Variants in MMP26 observed in about 807,000 individuals in gnomAD.
MMP26 encodes matrix metallopeptidase 26.
MMP26 carries 33 observed loss-of-function variants against 31.0 expected under a neutral mutation model. The ratio of observed to expected loss-of-function variants is 1.06; its 90% confidence interval spans 0.81 to 1.42. MMP26 has a LOEUF of 1.42. Ranked by LOEUF, MMP26 falls within the 40% of genes most tolerant of loss-of-function variation. MMP26 has a pLI of 0.00. For synonymous variants in MMP26, 122 were observed against 114.9 expected, an observed-to-expected ratio of 1.06 and a Z score of -0.40; for missense variants, 347 against 316.1, an observed-to-expected ratio of 1.10 and a Z score of -0.74.
intron 2 of MMP26, among the ~76,000 whole-genome samples, chr11:4,931,206 A>T (rs1851342306): frequency 2.6e-5 from 4 of 152,104 alleles, no homozygotes; most frequent in Admixed American, 2.0e-4. Context: ...GCAAAGTGAG[A>T]CAGGGTTCTG....
At position 4,899,852 on chromosome 11, in the gene MMP26, T is replaced by A. The variant is rs189366674; in HGVS notation, c.-144-88216T>A. Among the ~76,000 whole-genome samples the A allele has an allele frequency of 1.4e-3, 212 of 152,280 alleles. 1 individual carries two copies. The highest frequency in any genetic ancestry group is 2.4e-3 in the Non-Finnish European group (164 of 67,992). On this transcript the variant is annotated intron_variant, in intron 2 of 7. Coordinates refer to ENST00000380390, the MANE Select transcript of MMP26 (RefSeq NM_021801.5). ...CTCACAATGTCTCCCACTCTGAAAA[T>A]GAGGACCTTTAGCTCAACAGAACAT...
At chr11:4,778,240 G>C (rs1848813894) in intron 2 of MMP26, among the ~76,000 whole-genome samples, 1 of 151,892 alleles carries the variant, frequency 6.6e-6, no homozygotes, top group African/African-American at 2.4e-5. Flanking sequence ...GATATATTTT[G>C]TGCTGTTTGG....
At chr11:4,810,177 T>A (rs1849330520) in intron 2 of MMP26, among the ~76,000 whole-genome samples, 1 of 151,986 alleles carries the variant, frequency 6.6e-6, no homozygotes, top group African/African-American at 2.4e-5. Flanking sequence ...TTTGAATGCT[T>A]GTGCAAAAAA....
At chr11:4,857,006 G>A (rs1263598411) in intron 2 of MMP26, among the ~76,000 whole-genome samples, 1 of 152,156 alleles carries the variant, frequency 6.6e-6, no homozygotes, top group Non-Finnish European at 1.5e-5. Flanking sequence ...CAGAAATAAA[G>A]ATGTTCTTTG....
At chr11:4,817,387 C>G (rs772868095) in intron 2 of MMP26, among the ~76,000 whole-genome samples, 82 of 152,048 alleles carry the variant, frequency 5.4e-4, no homozygotes, top group Non-Finnish European at 2.4e-4. Flanking sequence ...AGTTTGAGAC[C>G]AGCCTGGACA....
intron 2 of MMP26, among the ~76,000 whole-genome samples, chr11:4,917,599 G>T (rs903950529): frequency 1.3e-5 from 2 of 152,130 alleles, no homozygotes; most frequent in African/African-American, 4.8e-5. Flanking sequence ...GATCATATAG[G>T]CTCTCACACC....
chr11:4,792,308 A>T (rs1849038701), intron 2 of MMP26, among the ~76,000 whole-genome samples: 1 of 152,184 alleles, frequency 6.6e-6, no homozygotes, highest in Non-Finnish European at 1.5e-5. Context: ...TTTCCTTCGG[A>T]GGCAACTTCT....
intron 2 of MMP26, among the ~76,000 whole-genome samples, chr11:4,843,081 C>T (rs753649483): frequency 2.2e-4 from 33 of 152,358 alleles, no homozygotes; most frequent in Non-Finnish European, 4.3e-4. Flanking sequence ...GCCTTCAGCA[C>T]CTGTGCCCCT....
chr11:4,941,834 C>A (rs1335141467), intron 2 of MMP26, among the ~76,000 whole-genome samples: 1 of 151,412 alleles, frequency 6.6e-6, no homozygotes, highest in Non-Finnish European at 1.5e-5. Context: ...GCTTGTAATC[C>A]CAGCACTTTG....
intron 2 of MMP26, among the ~76,000 whole-genome samples, chr11:4,819,709 T>G (rs1027279205): frequency 6.6e-6 from 1 of 151,060 alleles, no homozygotes; most frequent in African/African-American, 2.4e-5. Context: ...TACCCAGTAG[T>G]TGGGACCTAC....
chr11:4,984,441 C>T (rs1411362174), intron 2 of MMP26, among the ~76,000 whole-genome samples: 2 of 152,096 alleles, frequency 1.3e-5, no homozygotes, highest in East Asian at 3.9e-4. Flanking sequence ...CTGTGTTGAG[C>T]GATCTGAATT....
rs115938159 is a variant in MMP26, at chr11:4,805,310, G to T, written c.-145+37969G>T. The stretch of plus-strand genomic sequence containing the variant: ...ATTTAATTTATTATCTTTAGTGTAG[G>T]TTTCTCCTAGACAAGAAGTTAGCAA... On this transcript the variant is annotated intron_variant, in intron 2 of 7. Transcript: ENST00000380390. Among the ~76,000 whole-genome samples, 1,292 of 152,248 alleles carry T rather than the reference G, an allele frequency of 8.5e-3. 15 individuals carry two copies. The highest frequency in any genetic ancestry group is 0.028 in the African/African-American group (1,154 of 41,534).
At chr11:4,957,451 T>C (rs979022726) in intron 2 of MMP26, among the ~76,000 whole-genome samples, 2 of 152,228 alleles carry the variant, frequency 1.3e-5, no homozygotes, top group Admixed American at 1.3e-4. Flanking sequence ...CCTCTTTCTT[T>C]GTCCTCTTGT....
chr11:4,766,358 T>C (rs1848628560), intron 1 of MMP26, among the ~76,000 whole-genome samples: 1 of 152,164 alleles, frequency 6.6e-6, no homozygotes, highest in Admixed American at 6.5e-5. Flanking sequence ...AGCCCAAGGA[T>C]TATAAGGACT....
chr11:4,729,108 CATTAAAT>C (rs1307760610), intron 1 of MMP26, among the ~76,000 whole-genome samples: 3 of 151,602 alleles, frequency 2.0e-5, no homozygotes, highest in East Asian at 3.8e-4. Context: ...AAATATTTTT[CATTAAAT>C]ATTAAATATT....
At chr11:4,942,083 C>A (rs1169979112) in intron 2 of MMP26, among the ~76,000 whole-genome samples, 4 of 16,132 alleles carry the variant, frequency 2.5e-4, no homozygotes, top group Non-Finnish European at 5.5e-4. Flanking sequence ...GAATGAGAGT[C>A]CATCTCAAAA....
intron 2 of MMP26, chr11:4,912,965 T>G (rs1362502893): frequency 6.6e-6 from 1 of 151,990 alleles, no homozygotes; most frequent in East Asian, 1.9e-4. Flanking sequence ...AAAAACAAGC[T>G]GTAACTATTC....
chr11:4,986,053 A>T (rs1039882239), intron 2 of MMP26, among the ~76,000 whole-genome samples: 3 of 152,170 alleles, frequency 2.0e-5, no homozygotes, highest in Non-Finnish European at 2.9e-5. Context: ...CCATCTATCT[A>T]TCTCTCATCT....
chr11:4,804,806 C>CAA (rs71050431), intron 2 of MMP26, among the ~76,000 whole-genome samples: 6 of 146,020 alleles, frequency 4.1e-5, no homozygotes, highest in Admixed American at 6.8e-5. Context: ...CAAAACAAAA[C>CAA]AAAAAAAAAC....
Sources: allele counts gnomAD v4.1 joint callset (sites outside exome capture counted in the v4.1 genomes callset), GRCh38; gene constraint gnomAD v4.1.1; transcripts MANE v1.5; gene names NCBI Gene and HGNC (gene_info 2026-07-23, HGNC 2026-07-21).